The following PKIA variants were observed in gnomAD, a reference collection of about 807,000 sequenced individuals.
PKIA encodes the protein cAMP-dependent protein kinase inhibitor alpha, also known as PKI-alpha.
In PKIA, 4 loss-of-function variants were observed where a neutral mutation model predicts 7.6. That is an observed-to-expected ratio of 0.52 (90% CI 0.26 to 1.20). The LOEUF (loss-of-function observed/expected upper bound fraction) is 1.20, where lower values mean the gene tolerates loss of function less well. Among genes scored for constraint, PKIA ranks in the 50% most tolerant of loss-of-function variants. The probability of loss-of-function intolerance (pLI) is 0.13; values close to 1 mark genes in which losing one functional copy is unlikely to be tolerated. For synonymous variants in PKIA, 21 were observed against 30.7 expected (o/e 0.68, Z 1.04); for missense variants, 73 against 86.2 (o/e 0.85, Z 0.61).
At chr8:78,596,809 T>C (rs1293010782) in intron 2 of PKIA, among the ~76,000 whole-genome samples, 1 of 152,200 alleles carries the variant, frequency 6.6e-6, no homozygotes, top group Non-Finnish European at 1.5e-5. Flanking sequence ...AGGTTTTACA[T>C]TTAAGTCTTT....
chr8:78,576,208 A>T (rs1336239148), intron 2 of PKIA, among the ~76,000 whole-genome samples: 1 of 152,016 alleles, frequency 6.6e-6, no homozygotes, highest in South Asian at 2.1e-4. Context: ...TAATAGTTTT[A>T]GTTTGCATTT....
intron 1 of PKIA, among the ~76,000 whole-genome samples, chr8:78,562,651 A>G (rs1455621836): frequency 6.6e-6 from 1 of 152,026 alleles, no homozygotes; most frequent in Non-Finnish European, 1.5e-5. Context: ...TTTCAGTGTC[A>G]TTTCAGATGC....
intron 1 of PKIA, among the ~76,000 whole-genome samples, chr8:78,523,886 A>AT (rs1412471194): frequency 6.9e-6 from 1 of 143,964 alleles, no homozygotes; most frequent in African/African-American, 2.5e-5. Context: ...TTATATAAAT[A>AT]TTTATACATA....
At chr8:78,525,698 A>G (rs1397887564) in intron 1 of PKIA, among the ~76,000 whole-genome samples, 1 of 152,082 alleles carries the variant, frequency 6.6e-6, no homozygotes, top group Non-Finnish European at 1.5e-5. Context: ...TAGAGCTCTC[A>G]GGCAGCTTTT....
chr8:78,577,970 T>C (rs1031332483), intron 2 of PKIA, among the ~76,000 whole-genome samples: 4 of 152,016 alleles, frequency 2.6e-5, no homozygotes, highest in African/African-American at 9.7e-5. Flanking sequence ...GTTCTTACAA[T>C]TTAATCCTCA....
chr8:78,566,751 G>A (rs755875769), intron 1 of PKIA, among the ~76,000 whole-genome samples: 15 of 152,074 alleles, frequency 9.9e-5, no homozygotes, highest in East Asian at 3.9e-4. Flanking sequence ...ATATTTCAGC[G>A]TACATTAGAC....
intron 1 of PKIA, among the ~76,000 whole-genome samples, chr8:78,567,290 C>T (rs896193911): frequency 6.6e-6 from 1 of 152,020 alleles, no homozygotes; most frequent in Non-Finnish European, 1.5e-5. Context: ...CTTATCATGT[C>T]ACATTTGTGT....
At chr8:78,524,075 TA>T (rs1163829070) in intron 1 of PKIA, among the ~76,000 whole-genome samples, 6 of 123,832 alleles carry the variant, frequency 4.8e-5, no homozygotes, top group African/African-American at 2.2e-4. Context: ...TATTTATATA[TA>T]AATATAAATA....
chr8:78,571,619 C>A (rs982418202), intron 1 of PKIA, among the ~76,000 whole-genome samples: 1 of 152,118 alleles, frequency 6.6e-6, no homozygotes, highest in South Asian at 2.1e-4. Context: ...GTAACAGTTC[C>A]CCCCAAGAGT....
At chr8:78,559,172 T>A (rs1184120933) in intron 1 of PKIA, among the ~76,000 whole-genome samples, 1 of 152,162 alleles carries the variant, frequency 6.6e-6, no homozygotes, top group Non-Finnish European at 1.5e-5. Flanking sequence ...TCCACCCGCC[T>A]CGGCCTCCCA....
chr8:78,534,270 T>C (rs1001257121), intron 1 of PKIA: 2 of 152,120 alleles, frequency 1.3e-5, no homozygotes, highest in Non-Finnish European at 2.9e-5. Context: ...ATATTGACTA[T>C]TGACTCGGGT....
intron 2 of PKIA, among the ~76,000 whole-genome samples, chr8:78,590,117 TATC>T: frequency 6.6e-6 from 1 of 152,258 alleles, no homozygotes; most frequent in African/African-American, 2.4e-5. Context: ...GAAAACCTAT[TATC>T]TGCCCCTGTG....
intron 1 of PKIA, among the ~76,000 whole-genome samples, chr8:78,540,690 G>A (rs1806662245): frequency 6.6e-6 from 1 of 151,308 alleles, no homozygotes. Context: ...GTTACTTTCT[G>A]GTTTTCCTTT....
At chr8:78,597,058 T>C (rs988713327) in intron 2 of PKIA, among the ~76,000 whole-genome samples, 3 of 152,190 alleles carry the variant, frequency 2.0e-5, no homozygotes, top group South Asian at 2.1e-4. Flanking sequence ...TTTATACCAG[T>C]ATCATGCTGT....
intron 1 of PKIA, among the ~76,000 whole-genome samples, chr8:78,524,868 G>A (rs1809512240): frequency 6.6e-6 from 1 of 151,798 alleles, no homozygotes; most frequent in African/African-American, 2.4e-5. Context: ...TATGGTACAT[G>A]GCTTTAATAC....
At chr8:78,590,057 T>C (rs935405384) in intron 2 of PKIA, among the ~76,000 whole-genome samples, 1 of 152,166 alleles carries the variant, frequency 6.6e-6, no homozygotes, top group African/African-American at 2.4e-5. Context: ...TCTAACAGTG[T>C]CTTTTGCCAA....
intron 1 of PKIA, among the ~76,000 whole-genome samples, chr8:78,540,380 G>A (rs565982299): frequency 1.3e-5 from 2 of 152,056 alleles, no homozygotes; most frequent in East Asian, 3.9e-4. Context: ...TATTTTGGAT[G>A]GTAGTATTTA....
intron 1 of PKIA, 116 bp from the exon 2 acceptor site, chr8:78,572,695 T>C (rs1445648526): frequency 6.6e-6 from 1 of 152,044 alleles, no homozygotes; most frequent in Non-Finnish European, 1.5e-5. Flanking sequence ...ACCACGAAAG[T>C]TCCTGAAGTT....
chr8:78,519,613 G>A (rs1809378227), intron 1 of PKIA, among the ~76,000 whole-genome samples: 1 of 152,040 alleles, frequency 6.6e-6, no homozygotes, highest in Non-Finnish European at 1.5e-5. Flanking sequence ...TTAATTGCCA[G>A]ATTTCTATAA....
Sources: allele counts gnomAD v4.1 joint callset (sites outside exome capture counted in the v4.1 genomes callset), GRCh38; gene constraint gnomAD v4.1.1; transcripts MANE v1.5; gene names NCBI Gene and HGNC (gene_info 2026-07-23, HGNC 2026-07-21).